BLM: variants seen among roughly 807,000 people sequenced by gnomAD.
BLM encodes BLM RecQ like helicase.
In BLM, 95 loss-of-function variants were observed where a neutral mutation model predicts 135.3. That is an observed-to-expected ratio of 0.70 (90% CI 0.59 to 0.83). The LOEUF (loss-of-function observed/expected upper bound fraction) is 0.83, where lower values mean the gene tolerates loss of function less well. Ranked by LOEUF, BLM falls within the 40% of genes least tolerant of loss-of-function variation. BLM has a pLI of 0.00. For synonymous variants in BLM, 520 were observed against 589.2 expected (o/e 0.88, Z 1.70); for missense variants, 1,518 against 1,663.9 (o/e 0.91, Z 1.53).
chr15:90,757,131 C>T (rs1223922003), intron 5 of BLM, among the ~76,000 whole-genome samples: 1 of 152,184 alleles, frequency 6.6e-6, no homozygotes, highest in African/African-American at 2.4e-5. Flanking sequence ...CCCCTTAGAG[C>T]TCACAAAGCA....
At chr15:90,798,478 GAA>G in intron 17 of BLM, 141 bp downstream of exon 17, 1 of 799,918 alleles carries the variant, frequency 1.3e-6, no homozygotes, top group East Asian at 2.7e-5. Flanking sequence ...AGTAACAAAA[GAA>G]AGTCAATTAT....
rs933016649 is a variant in BLM at position 90,742,068 on chromosome 15, A to G, written c.-4-5321A>G. On this transcript the variant is annotated intron_variant, in intron 1 of 21. Transcript: ENST00000355112. ...ACCATGAACGAAGAGAACATATGAC[A>G]TAAAATTCTGTCAAAAATCTCTCTT... Among the ~76,000 whole-genome samples, 47 of 152,236 alleles carry G rather than the reference A, an allele frequency of 3.1e-4. 1 individual carries two copies. Among genetic ancestry groups the G allele is most frequent in the African/African-American group, 1.1e-3 (45 of 41,460 alleles).
intron 14 of BLM, among the ~76,000 whole-genome samples, chr15:90,788,442 T>A (rs537097976): frequency 2.4e-4 from 36 of 151,440 alleles, no homozygotes; most frequent in African/African-American, 8.5e-4. Context: ...CAAATTAGTT[T>A]ATATATTTAA....
chr15:90,765,949 GA>G (rs1418696877), intron 9 of BLM, among the ~76,000 whole-genome samples: 4 of 152,120 alleles, frequency 2.6e-5, no homozygotes, highest in African/African-American at 9.7e-5. Context: ...TTTCTCTACA[GA>G]AAAATAAAAT....
chr15:90,726,755 C>T (rs1894929059), intron 1 of BLM, among the ~76,000 whole-genome samples: 1 of 152,144 alleles, frequency 6.6e-6, no homozygotes, highest in African/African-American at 2.4e-5. Flanking sequence ...CTGTGAATAA[C>T]AGGATTTTAT....
At chr15:90,754,400 C>T (rs1029641872) in intron 4 of BLM, among the ~76,000 whole-genome samples, 5 of 152,122 alleles carry the variant, frequency 3.3e-5, no homozygotes, top group African/African-American at 1.2e-4. Flanking sequence ...AAAAAAGAGA[C>T]ATTAATAATC....
chr15:90,728,951 G>A (rs1299903518), intron 1 of BLM, among the ~76,000 whole-genome samples: 2 of 151,972 alleles, frequency 1.3e-5, no homozygotes, highest in African/African-American at 2.4e-5. Flanking sequence ...AGGCCAAGGT[G>A]GGAGTATCGC....
intron 17 of BLM, among the ~76,000 whole-genome samples, chr15:90,800,546 G>T (rs1198294812): frequency 2.0e-5 from 3 of 152,150 alleles, no homozygotes; most frequent in Non-Finnish European, 4.4e-5. Flanking sequence ...TGGGCGTGGT[G>T]GCACACACCA....
intron 8 of BLM, among the ~76,000 whole-genome samples, chr15:90,764,376 G>T (rs1896066330): frequency 1.3e-5 from 2 of 151,394 alleles, no homozygotes; most frequent in Non-Finnish European, 2.9e-5. Flanking sequence ...TTGAGACAGG[G>T]TCTCTTGATC....
intron 3 of BLM, among the ~76,000 whole-genome samples, chr15:90,751,458 T>G (rs1895680242): frequency 6.6e-6 from 1 of 152,234 alleles, no homozygotes; most frequent in Non-Finnish European, 1.5e-5. Flanking sequence ...TCTGTTGCAC[T>G]TTACCCTTAT....
At position 90,769,603 on chromosome 15, in the gene BLM, C is replaced by G. The variant is rs747061490; in HGVS notation, c.2555+17C>G. On this transcript the variant is annotated intron_variant, in intron 12 of 21. Transcript: ENST00000355112. ...ACCTCAGGTGTAAGTTGTTGCACGT[C>G]ACGTATTTGAGAACCCTGGGGCAGT... 6 of 1,612,302 alleles carry G rather than the reference C, an allele frequency of 3.7e-6. No individual in the cohort carries two copies. Among genetic ancestry groups the G allele is most frequent in the Non-Finnish European group, 5.1e-6 (6 of 1,179,060 alleles).
At position 90,751,885 on chromosome 15, in the gene BLM, T is replaced by G; in HGVS notation, c.898T>G (p.Phe300Val). ...TGATGATGATGATTATGATACGGAT[T>G]TTGTTCCACCTTCTCCAGAAGAAAT... is the stretch of plus-strand genomic sequence containing the variant. ...EFDDDDYDTD[F>V]VPPSPEEIIS... Residue 300 changes from phenylalanine (F) to valine (V), a missense_variant, in exon 4 of 22, where the codon TTT becomes GTT. By Grantham distance (50) the Phe-to-Val change is conservative (BLOSUM62 -1). Coordinates refer to ENST00000355112, the MANE Select transcript of BLM (RefSeq NM_000057.4). The G allele has an allele frequency of 6.2e-7, 1 of 1,613,494 alleles. No homozygotes were observed. The highest frequency in any genetic ancestry group is 8.5e-7 in the Non-Finnish European group (1 of 1,179,474).
intron 1 of BLM, among the ~76,000 whole-genome samples, chr15:90,744,790 C>G (rs919657861): frequency 1.3e-5 from 2 of 152,058 alleles, no homozygotes; most frequent in South Asian, 4.1e-4. Flanking sequence ...TGGCTCACAC[C>G]TGCAATCCCA....
At chr15:90,749,003 C>T (rs1895587672) in intron 2 of BLM, among the ~76,000 whole-genome samples, 1 of 152,114 alleles carries the variant, frequency 6.6e-6, no homozygotes. Flanking sequence ...AAGCATTCCA[C>T]CTGCCTCGGC....
chr15:90,772,402 A>T (rs992424581), intron 12 of BLM, among the ~76,000 whole-genome samples: 1 of 152,144 alleles, frequency 6.6e-6, no homozygotes, highest in East Asian at 1.9e-4. Flanking sequence ...TAACTATAAT[A>T]GAACAATAAT....
chr15:90,758,006 T>A (rs557113609), intron 5 of BLM, among the ~76,000 whole-genome samples: 1 of 151,630 alleles, frequency 6.6e-6, no homozygotes, highest in African/African-American at 2.4e-5. Flanking sequence ...CTCAGCCTCC[T>A]GAGTAGCTGG....
intron 17 of BLM, among the ~76,000 whole-genome samples, chr15:90,800,974 C>T (rs1897151190): frequency 6.6e-6 from 1 of 151,940 alleles, no homozygotes; most frequent in South Asian, 2.1e-4. Flanking sequence ...ATGGCAAAAC[C>T]TCATCTCTAC....
intron 21 of BLM, among the ~76,000 whole-genome samples, chr15:90,814,357 T>C (rs439554): frequency 0.66 from 100,142 of 151,688 alleles, 33,385 homozygotes; most frequent in East Asian, 0.84. Flanking sequence ...GTTTTTATTT[T>C]ACTTAAGGGT....
chr15:90,788,963 A>C (rs1567055459), intron 14 of BLM, among the ~76,000 whole-genome samples: 1 of 138,124 alleles, frequency 7.2e-6, no homozygotes, highest in Non-Finnish European at 1.6e-5. Context: ...ACAGACCGAG[A>C]CTGTCTCAAA....
Sources: gnomAD v4.1 joint callset for allele counts (sites outside exome capture counted in the v4.1 genomes callset) on GRCh38, gnomAD v4.1.1 for gene constraint, MANE v1.5 for transcripts, NCBI Gene and HGNC (gene_info 2026-07-23, HGNC 2026-07-21) for gene names.